WWP1: variants seen among roughly 807,000 people sequenced by gnomAD.
The protein encoded by WWP1 is NEDD4-like E3 ubiquitin-protein ligase WWP1.
Under a neutral mutation model 130.6 loss-of-function variants are expected in WWP1, and 49 were observed. That is an observed-to-expected ratio of 0.38 (90% confidence interval 0.30 to 0.48). WWP1 has a LOEUF of 0.48. Among genes scored for constraint, WWP1 ranks in the 20% least tolerant of loss-of-function variants. WWP1 has a pLI of 0.99. For synonymous variants in WWP1, 332 were observed against 367.8 expected, an observed-to-expected ratio of 0.90 and a Z score of 1.11; for missense variants, 809 against 1,100.6, an observed-to-expected ratio of 0.74 and a Z score of 3.75.
At chr8:86,413,382 A>G (rs1485172910) in intron 9 of WWP1, among the ~76,000 whole-genome samples, 1 of 152,148 alleles carries the variant, frequency 6.6e-6, no homozygotes, top group Non-Finnish European at 1.5e-5. Context: ...CTCATCGTCT[A>G]AGTGGTGGGG....
intron 8 of WWP1, among the ~76,000 whole-genome samples, chr8:86,404,823 G>A (rs1808183635): frequency 6.6e-6 from 1 of 152,152 alleles, no homozygotes; most frequent in African/African-American, 2.4e-5. Context: ...TTGACATTCC[G>A]CTATCTGGCT....
In WWP1 at chr8:86,427,487, G is replaced by A. The variant is rs550317484; in HGVS notation, c.1158-156G>A. 1.1e-4 allele frequency among the ~76,000 whole-genome samples: 16 copies of A among 152,206 alleles called. No homozygotes were observed. The South Asian group carries it at 1.2e-3, about 12-fold the overall frequency. ...AAAAAAAGATATTAGTGGTAGAATG[G>A]GAAGGTAATTTAGGTAAAATAAATA... On this transcript the variant is annotated intron_variant, in intron 10 of 24. Transcript: ENST00000517970.
At position 86,440,820 on chromosome 8, in the gene WWP1, A is replaced by AT. The variant is rs1334116493; in HGVS notation, c.1839-1794dup. 1.7e-5 allele frequency: 6 copies of AT among 362,096 alleles called. No individual in the cohort carries two copies. In the Admixed American group the frequency reaches 1.8e-4, roughly 11 times the overall value. 22.4% of individuals were successfully genotyped at this position (362,096 alleles called of 1,614,324 possible). A position where few individuals can be genotyped will look rare whatever the true frequency, so the allele number is the denominator to read the frequency against. ...CTTTGCACTTTTCCATTTTATTTTG[A>AT]TTTTTCTCAAGCCTATCCTCATGTC... On this transcript the variant is annotated intron_variant, in intron 17 of 24. Transcript: ENST00000517970.
intron 14 of WWP1, 75 bp downstream of exon 14, chr8:86,431,818 A>C: frequency 6.4e-7 from 1 of 1,574,072 alleles, no homozygotes; most frequent in Non-Finnish European, 8.6e-7. Context: ...ATTTATCCTC[A>C]AGTTTAGCAA....
chr8:86,425,271 T>C lies in WWP1; in HGVS notation c.1110T>C (p.His370=), dbSNP rs1809554027. The change falls in exon 10 of 25, where the codon CAT becomes CAC. Residue 370 remains histidine, a synonymous_variant. Transcript: ENST00000517970. The part of the protein sequence containing the change: ...DPHGRTYYVD[H]NTRTTTWERP... ...ATGGTAGAACCTATTATGTGGATCA[T>C]AATACTCGAACTACCACATGGGAGA... 1 of 1,613,432 alleles carries C rather than the reference T, an allele frequency of 6.2e-7. No homozygotes were observed. The highest frequency in any genetic ancestry group is 8.5e-7 in the Non-Finnish European group (1 of 1,179,684).
intron 1 of WWP1, among the ~76,000 whole-genome samples, chr8:86,355,929 T>G (rs913175103): frequency 6.6e-6 from 1 of 152,232 alleles, no homozygotes; most frequent in African/African-American, 2.4e-5. Context: ...GAGCATTAGC[T>G]TTGAGCCCAA....
At chr8:86,397,921 T>G (rs1563496014) in intron 5 of WWP1, among the ~76,000 whole-genome samples, 1 of 152,154 alleles carries the variant, frequency 6.6e-6, no homozygotes, top group Non-Finnish European at 1.5e-5. Flanking sequence ...ATTTTGTAAT[T>G]AAGAAACCAA....
chr8:86,415,845 C>T (rs1414425590), intron 9 of WWP1, among the ~76,000 whole-genome samples: 2 of 152,196 alleles, frequency 1.3e-5, no homozygotes, highest in Non-Finnish European at 2.9e-5. Flanking sequence ...TATCTGTTGT[C>T]TCTCCACTAG....
At chr8:86,413,521 G>A (rs563457457) in intron 9 of WWP1, among the ~76,000 whole-genome samples, 13 of 152,308 alleles carry the variant, frequency 8.5e-5, no homozygotes, top group Admixed American at 3.9e-4. Flanking sequence ...CGCCGTTGAC[G>A]TCAAAGAATA....
At chr8:86,391,468 T>A (rs1172304438) in intron 5 of WWP1, among the ~76,000 whole-genome samples, 2 of 152,062 alleles carry the variant, frequency 1.3e-5, no homozygotes, top group Non-Finnish European at 2.9e-5. Context: ...ATATCTGAGG[T>A]ATGTTTCACT....
intron 18 of WWP1, among the ~76,000 whole-genome samples, chr8:86,444,857 A>T (rs1249589811): frequency 2.0e-5 from 3 of 152,200 alleles, no homozygotes; most frequent in Non-Finnish European, 4.4e-5. Context: ...AAACATTTGT[A>T]TTGCTGATAG....
At chr8:86,433,023 A>G (rs1246210201) in intron 14 of WWP1, among the ~76,000 whole-genome samples, 1 of 152,074 alleles carries the variant, frequency 6.6e-6, no homozygotes, top group African/African-American at 2.4e-5. Context: ...CTGACACTGA[A>G]TTTGCAAGGG....
intron 5 of WWP1, among the ~76,000 whole-genome samples, chr8:86,382,378 A>G (rs1198743142): frequency 6.6e-6 from 1 of 152,182 alleles, no homozygotes; most frequent in African/African-American, 2.4e-5. Context: ...TCAGATTCTC[A>G]AAATGTGTGA....
At chr8:86,461,371 T>G (rs1431078955) in intron 23 of WWP1, 51 bp downstream of exon 23, 2 of 1,476,792 alleles carry the variant, frequency 1.4e-6, no homozygotes, top group Non-Finnish European at 1.9e-6. Context: ...GTGATAATAA[T>G]GGCCTTTGGA....
Position 86,447,443 on chromosome 8 carries a change from T to A in WWP1, c.1999-705T>A, listed in dbSNP as rs569679561. Among the ~76,000 whole-genome samples the A allele has an allele frequency of 2.0e-5, 3 of 152,238 alleles. No individual in the cohort carries two copies. The East Asian group carries it at 5.8e-4, about 29-fold the overall frequency. ...CACCATGCCCAGCTAATTTTTTGTA[T>A]TTTTAGTAAGGACGGGGTTTCACTG... On this transcript the variant is annotated intron_variant, in intron 18 of 24. Coordinates refer to ENST00000517970, the MANE Select transcript of WWP1 (RefSeq NM_007013.4).
At chr8:86,427,266 G>A (rs1362203767) in intron 10 of WWP1, among the ~76,000 whole-genome samples, 1 of 151,972 alleles carries the variant, frequency 6.6e-6, no homozygotes, top group African/African-American at 2.4e-5. Context: ...TAGGGCTAAT[G>A]CTTTCCCTCC....
chr8:86,467,475 T>C lies in WWP1; in HGVS notation c.*582T>C, dbSNP rs765804394. On this transcript the variant is annotated 3_prime_UTR_variant, in exon 25 of 25. Coordinates refer to ENST00000517970, the MANE Select transcript of WWP1 (RefSeq NM_007013.4). Reference sequence around the variant, plus strand: ...GTTTGTTTTAAATAAATACAATAGTTGAAAATTTTTCTCTGTTACATCAGT... The same window carrying C: ...GTTTGTTTTAAATAAATACAATAGTCGAAAATTTTTCTCTGTTACATCAGT... 6.6e-6 allele frequency: 1 copy of C among 152,548 alleles called. No individual in the cohort carries two copies. Among genetic ancestry groups the C allele is most frequent in the Non-Finnish European group, 1.5e-5 (1 of 68,028 alleles). 9.4% of individuals were successfully genotyped at this position (152,548 alleles called of 1,614,324 possible). A position where few individuals can be genotyped will look rare whatever the true frequency, so the allele number is the denominator to read the frequency against.
At chr8:86,366,472 A>T (rs1044173796) in intron 1 of WWP1, among the ~76,000 whole-genome samples, 15 of 152,170 alleles carry the variant, frequency 9.9e-5, no homozygotes, top group Admixed American at 7.9e-4. Context: ...GACCCTGGGT[A>T]TTGAGAAAGC....
chr8:86,363,797 A>C (rs78078438), intron 1 of WWP1, among the ~76,000 whole-genome samples: 2 of 150,330 alleles, frequency 1.3e-5, no homozygotes, highest in African/African-American at 4.9e-5. Context: ...TCCATCTCAA[A>C]AAAAAAAAAA....
Sources: gnomAD v4.1 joint callset for allele counts (sites outside exome capture counted in the v4.1 genomes callset) on GRCh38, gnomAD v4.1.1 for gene constraint, MANE v1.5 for transcripts, NCBI Gene and HGNC (gene_info 2026-07-23, HGNC 2026-07-21) for gene names.